CACNA1B: variants seen among roughly 807,000 people sequenced by gnomAD.
The protein encoded by CACNA1B is calcium voltage-gated channel subunit alpha1 B.
A neutral mutation model predicts 247.2 loss-of-function variants in CACNA1B; 70 were observed. The observed-to-expected ratio is 0.28, with a 90% CI of 0.23 to 0.35. The LOEUF is 0.35. Among genes scored for constraint, CACNA1B ranks in the 10% least tolerant of loss-of-function variants. CACNA1B has a pLI of 1.00. For synonymous variants in CACNA1B, 1,231 were observed against 1,294.4 expected (o/e 0.95, Z 1.05); for missense variants, 2,367 against 3,197.4 (o/e 0.74, Z 6.26).
Position 138,007,553 on chromosome 9 carries a change from C to A in CACNA1B, c.2092+669C>A, listed in dbSNP as rs1234101293. Among the ~76,000 whole-genome samples the A allele has an allele frequency of 6.6e-6, 1 of 152,154 alleles. No homozygotes were observed. Among genetic ancestry groups the A allele is most frequent in the Non-Finnish European group, 1.5e-5 (1 of 68,030 alleles). ...TGTAGCTGGGGTGGGAAGTTCAGGC[C>A]TAGAAGTGTCTTTGGTTCTCAAACT... On this transcript the variant is annotated intron_variant, in intron 16 of 46. Transcript: ENST00000371372. This position sits in a 1 kb window ranked among gnomAD's most constrained non-coding sequence, Gnocchi z 4.1.
chr9:138,044,365 G>A (rs1959167470), intron 21 of CACNA1B, among the ~76,000 whole-genome samples: 2 of 152,260 alleles, frequency 1.3e-5, no homozygotes, highest in South Asian at 4.1e-4. Flanking sequence ...TGTTTCTGTG[G>A]CAGACAGCAC....
intron 42 of CACNA1B, among the ~76,000 whole-genome samples, chr9:138,117,217 G>T (rs1961898855): frequency 6.6e-6 from 1 of 152,172 alleles, no homozygotes; most frequent in South Asian, 2.1e-4. Flanking sequence ...GAGCATGTGT[G>T]GGGTGGCCTC....
At position 137,986,309 on chromosome 9, in the gene CACNA1B, C is replaced by T. The variant is rs573800356; in HGVS notation, c.1770-104C>T. ...TAACTTCACACCTAGGTGTGCAGCC[C>T]TCAGGGTTTAGAAAGTCAGTGGAGC... On this transcript the variant is annotated intron_variant, in intron 13 of 46. Coordinates refer to ENST00000371372, the MANE Select transcript of CACNA1B (RefSeq NM_000718.4). The surrounding 1 kb of genome is among the most constrained non-coding windows in gnomAD (Gnocchi z 6.0). 2.3e-6 allele frequency: 3 copies of T among 1,308,114 alleles called. No individual in the cohort carries two copies. In the Admixed American group the frequency reaches 6.1e-5, roughly 27 times the overall value. The allele number at this position is 1,308,114 out of a possible 1,614,324, so 81.0% of individuals were successfully genotyped here. A position where few individuals can be genotyped will look rare whatever the true frequency, so the allele number is the denominator to read the frequency against.
At chr9:138,013,874 G>A (rs1012963366) in intron 18 of CACNA1B, among the ~76,000 whole-genome samples, 1 of 152,256 alleles carries the variant, frequency 6.6e-6, no homozygotes, top group Non-Finnish European at 1.5e-5. Context: ...CCATGGCCTG[G>A]TCACAGGGTG....
At chr9:137,902,638 C>T (rs1957251986) in intron 3 of CACNA1B, among the ~76,000 whole-genome samples, 1 of 152,210 alleles carries the variant, frequency 6.6e-6, no homozygotes, top group Admixed American at 6.5e-5. Flanking sequence ...TACTTTATGA[C>T]ACACACTGCC....
chr9:138,008,436 G>T (rs1285681795), intron 16 of CACNA1B, among the ~76,000 whole-genome samples: 1 of 152,226 alleles, frequency 6.6e-6, no homozygotes, highest in Non-Finnish European at 1.5e-5. Flanking sequence ...GGTGTCAGTG[G>T]CTGTGGCTGG....
intron 3 of CACNA1B, among the ~76,000 whole-genome samples, chr9:137,894,939 C>T (rs1957156461): frequency 6.6e-6 from 1 of 152,150 alleles, no homozygotes; most frequent in Non-Finnish European, 1.5e-5. Context: ...GGTGCGAACT[C>T]TTTGCCAGCC....
At chr9:138,022,069 T>C (rs1207923816) in intron 18 of CACNA1B, among the ~76,000 whole-genome samples, 1 of 152,068 alleles carries the variant, frequency 6.6e-6, no homozygotes, top group African/African-American at 2.4e-5. Context: ...ATGTGTGATG[T>C]GTGAATAGAG....
rs77982458 is a variant in CACNA1B at position 138,060,663 on chromosome 9, A to C, written c.4668+926A>C. ...TCCCTGAGTGTGCCACGAGTGCTGC[A>C]CCCAAGCTGTTAGGGCTGAAGGGAC... On this transcript the variant is annotated intron_variant, in intron 31 of 46. Transcript: ENST00000371372. Among the ~76,000 whole-genome samples the C allele has an allele frequency of 2.8e-3, 426 of 152,314 alleles. 6 individuals carry two copies. The East Asian group carries it at 0.042, about 15-fold the overall frequency.
Position 137,911,124 on chromosome 9 carries a change from C to G in CACNA1B, c.531-2056C>G, listed in dbSNP as rs1236406264. ...TGTTGAAAAGATCATTCTTTCTCCA[C>G]TTAATGGTCTTGGTACCTTTGTTGA... On this transcript the variant is annotated intron_variant, in intron 3 of 46. Coordinates refer to ENST00000371372, the MANE Select transcript of CACNA1B (RefSeq NM_000718.4). 4.6e-5 allele frequency among the ~76,000 whole-genome samples: 7 copies of G among 152,172 alleles called. No homozygotes were observed. In the East Asian group the frequency reaches 1.3e-3, roughly 29 times the overall value.
chr9:137,916,297 T>TGAGCTAGGATTACA (rs1957410579), intron 5 of CACNA1B, among the ~76,000 whole-genome samples: 1 of 152,134 alleles, frequency 6.6e-6, no homozygotes, highest in Non-Finnish European at 1.5e-5. Flanking sequence ...CCTCCCAAAG[T>TGAGCTAGGATTACA]GCTAGGATTA....
Position 138,069,802 on chromosome 9 carries a change from G to T in CACNA1B, c.4674+39G>T, listed in dbSNP as rs373185548. ...CTCTGAACGGTTCTTGCAAGTCCTTGCTTTGCTCGCTCTGCTCCTCTCCTG... is the reference window on the plus strand; with the variant it reads ...CTCTGAACGGTTCTTGCAAGTCCTTTCTTTGCTCGCTCTGCTCCTCTCCTG... On this transcript the variant is annotated intron_variant, in intron 32 of 46. Transcript: ENST00000371372. The T allele has an allele frequency of 2.5e-5, 40 of 1,591,764 alleles. No individual in the cohort carries two copies. The African/African-American group carries it at 4.2e-4, about 17-fold the overall frequency.
At position 138,120,895 on chromosome 9, in the gene CACNA1B, G is replaced by C. The variant is rs374668797; in HGVS notation, c.6489+14G>C. 17 of 1,557,196 alleles carry C rather than the reference G, an allele frequency of 1.1e-5. No individual in the cohort carries two copies. The African/African-American group carries it at 1.2e-4, about 11-fold the overall frequency. Reference sequence around the variant, plus strand: ...CCCCACCCACAGGTAAGAGGAATAGGTGGAGAGGTCAGGGCCCAGCTGCCT... The same window carrying C: ...CCCCACCCACAGGTAAGAGGAATAGCTGGAGAGGTCAGGGCCCAGCTGCCT... On this transcript the variant is annotated intron_variant, in intron 46 of 46. Coordinates refer to ENST00000371372, the MANE Select transcript of CACNA1B (RefSeq NM_000718.4).
At position 137,970,695 on chromosome 9, in the gene CACNA1B, G is replaced by A. The variant is rs539615467; in HGVS notation, c.1334-688G>A. On this transcript the variant is annotated intron_variant, in intron 10 of 46. Transcript: ENST00000371372. The stretch of plus-strand genomic sequence containing the variant: ...TGTGGGAAGGAGTCCAGTGAGGGAC[G>A]CATTTCACACTTGGGATATTGTGTG... Among the ~76,000 whole-genome samples the A allele has an allele frequency of 2.0e-4, 31 of 152,240 alleles. 1 individual carries two copies. The South Asian group carries it at 6.4e-3, about 32-fold the overall frequency.
rs1957106167 is a variant in CACNA1B at position 137,891,973 on chromosome 9, G to A, written c.530+9090G>A. On this transcript the variant is annotated intron_variant, in intron 3 of 46. Coordinates refer to ENST00000371372, the MANE Select transcript of CACNA1B (RefSeq NM_000718.4). The surrounding 1 kb of genome is among the most constrained non-coding windows in gnomAD (Gnocchi z 4.3). ...GCCACCCTCCCTGTCTCCCCTGAGA[G>A]CACAGGAGCCTGGTGAAAAGGGCCT... 2.2e-6 allele frequency: 1 copy of A among 447,780 alleles called. No individual in the cohort carries two copies. The highest frequency in any genetic ancestry group is 4.5e-6 in the Non-Finnish European group (1 of 221,866). The allele number at this position is 447,780 out of a possible 1,614,324, so 27.7% of individuals were successfully genotyped here.
chr9:137,991,751 A>G (rs1425897178), intron 15 of CACNA1B, among the ~76,000 whole-genome samples: 2 of 152,232 alleles, frequency 1.3e-5, no homozygotes. Flanking sequence ...CAGAAACCCT[A>G]CAAGCCAGAA....
Position 138,073,328 on chromosome 9 carries a change from G to A in CACNA1B, c.4675-160G>A, listed in dbSNP as rs1323748215. Among the ~76,000 whole-genome samples the A allele has an allele frequency of 2.6e-5, 4 of 152,192 alleles. No individual in the cohort carries two copies. Among genetic ancestry groups the A allele is most frequent in the African/African-American group, 4.8e-5 (2 of 41,448 alleles). ...ACTTCTGGAAGATTTTCTGGTGGCC[G>A]ATTGCTGCTTAGACTGTGAAGCAGA... is the stretch of plus-strand genomic sequence containing the variant. On this transcript the variant is annotated intron_variant, in intron 32 of 46. Coordinates refer to ENST00000371372, the MANE Select transcript of CACNA1B (RefSeq NM_000718.4). This position sits in a 1 kb window ranked among gnomAD's most constrained non-coding sequence, Gnocchi z 6.4.
intron 15 of CACNA1B, among the ~76,000 whole-genome samples, chr9:137,996,539 A>G (rs1384230875): frequency 1.3e-5 from 2 of 152,210 alleles, no homozygotes; most frequent in Non-Finnish European, 2.9e-5. Context: ...CGAGGAATAA[A>G]AAACTACAGC....
intron 35 of CACNA1B, among the ~76,000 whole-genome samples, chr9:138,076,725 C>T (rs12551148): frequency 5.6e-4 from 85 of 152,322 alleles, no homozygotes; most frequent in Non-Finnish European, 8.7e-4. Context: ...TTATCACTCA[C>T]GAGCCTAGGA....
Sources: allele counts gnomAD v4.1 joint callset (sites outside exome capture counted in the v4.1 genomes callset), GRCh38; gene constraint gnomAD v4.1.1; non-coding constraint Gnocchi (gnomAD v3.1); transcripts MANE v1.5; gene names NCBI Gene and HGNC (gene_info 2026-07-23, HGNC 2026-07-21).